Variants in UNC5D observed in about 807,000 individuals in gnomAD.
UNC5D encodes netrin receptor UNC5D.
UNC5D carries 39 observed loss-of-function variants against 105.4 expected under a neutral mutation model. The observed-to-expected ratio is 0.37, with a 90% CI of 0.29 to 0.48. The LOEUF (loss-of-function observed/expected upper bound fraction) is 0.48, where lower values mean the gene tolerates loss of function less well. UNC5D is among the 20% of genes least tolerant of loss of function. The pLI, the probability that UNC5D is intolerant of heterozygous loss-of-function variation, is 0.98. For missense variants in UNC5D, 991 were observed against 1,202.4 expected, an observed-to-expected ratio of 0.82 and a Z score of 2.60; for synonymous variants, 452 against 450.4, an observed-to-expected ratio of 1.00 and a Z score of -0.04.
At chr8:35,690,326 T>G (rs1377595606) in intron 7 of UNC5D, among the ~76,000 whole-genome samples, 1 of 152,146 alleles carries the variant, frequency 6.6e-6, no homozygotes, top group African/African-American at 2.4e-5. Flanking sequence ...AGTGACTACC[T>G]ATATCAACAA....
chr8:35,385,933 G>GTT (rs1803367390), intron 1 of UNC5D, among the ~76,000 whole-genome samples: 2 of 152,202 alleles, frequency 1.3e-5, no homozygotes, highest in Admixed American at 1.3e-4. Context: ...ATTCTATTTT[G>GTT]TTGTAGTAGA....
intron 1 of UNC5D, among the ~76,000 whole-genome samples, chr8:35,473,752 AT>A (rs1218537787): frequency 6.6e-6 from 1 of 152,150 alleles, no homozygotes; most frequent in Non-Finnish European, 1.5e-5. Context: ...TAACAGTGAT[AT>A]TTTTGGCTAT....
At chr8:35,656,990 CTGTT>C (rs570815449) in intron 4 of UNC5D, among the ~76,000 whole-genome samples, 7 of 146,450 alleles carry the variant, frequency 4.8e-5, no homozygotes, top group South Asian at 2.2e-4. Flanking sequence ...AATAAATTGA[CTGTT>C]TGTTTTTATA....
At chr8:35,252,206 C>G (rs1803755891) in intron 1 of UNC5D, among the ~76,000 whole-genome samples, 1 of 151,834 alleles carries the variant, frequency 6.6e-6, no homozygotes, top group South Asian at 2.1e-4. Flanking sequence ...CCTTGTAAAA[C>G]CTGGTTCAAG....
intron 1 of UNC5D, among the ~76,000 whole-genome samples, chr8:35,339,577 G>T (rs1165829781): frequency 6.6e-6 from 1 of 152,234 alleles, no homozygotes; most frequent in Non-Finnish European, 1.5e-5. Flanking sequence ...TGGAAACACG[G>T]ATGTGTGTTG....
intron 4 of UNC5D, among the ~76,000 whole-genome samples, chr8:35,667,182 A>G (rs1417451378): frequency 6.6e-6 from 1 of 152,134 alleles, no homozygotes; most frequent in African/African-American, 2.4e-5. Flanking sequence ...TAAACATAAT[A>G]TAGATTGCAG....
intron 1 of UNC5D, among the ~76,000 whole-genome samples, chr8:35,247,107 T>G (rs937434299): frequency 6.6e-6 from 1 of 152,044 alleles, no homozygotes; most frequent in Non-Finnish European, 1.5e-5. Flanking sequence ...TCCTTGCCTC[T>G]TCCCTTTCAG....
chr8:35,433,301 T>C (rs528685434), intron 1 of UNC5D, among the ~76,000 whole-genome samples: 3 of 152,308 alleles, frequency 2.0e-5, no homozygotes, highest in Admixed American at 2.0e-4. Flanking sequence ...TCAAAATGTT[T>C]ATGTCCTTGG....
At chr8:35,394,592 A>T (rs1000728343) in intron 1 of UNC5D, among the ~76,000 whole-genome samples, 7 of 143,514 alleles carry the variant, frequency 4.9e-5, no homozygotes, top group Non-Finnish European at 9.2e-5. Flanking sequence ...TTCATTTTGT[A>T]AAAAAAAAAA....
At chr8:35,729,876 A>G (rs1204049807) in intron 10 of UNC5D, among the ~76,000 whole-genome samples, 1 of 152,260 alleles carries the variant, frequency 6.6e-6, no homozygotes. Flanking sequence ...GATAACTAGC[A>G]TATTACTGAA....
At chr8:35,283,500 A>C (rs1378657407) in intron 1 of UNC5D, among the ~76,000 whole-genome samples, 1 of 152,092 alleles carries the variant, frequency 6.6e-6, no homozygotes, top group African/African-American at 2.4e-5. Flanking sequence ...GGTGGCTCAC[A>C]CCTGTAATCC....
chr8:35,340,519 A>G lies in UNC5D; in HGVS notation c.103+104632A>G, dbSNP rs537038133. On this transcript the variant is annotated intron_variant, in intron 1 of 16. Transcript: ENST00000404895. ...GAGTATGGATGAAAACATTGGAGAA[A>G]GTATCTCTGGTTAAAGGGAAGGTTT... Among the ~76,000 whole-genome samples the G allele has an allele frequency of 2.6e-5, 4 of 152,184 alleles. No individual in the cohort carries two copies. In the South Asian group the frequency reaches 8.3e-4, roughly 32 times the overall value.
intron 4 of UNC5D, among the ~76,000 whole-genome samples, chr8:35,635,577 A>G (rs1045054377): frequency 5.9e-5 from 9 of 152,144 alleles, no homozygotes; most frequent in East Asian, 1.9e-4. Context: ...TCATTTTAAC[A>G]ACACTGACTG....
chr8:35,686,673 G>A lies in UNC5D; in HGVS notation c.1048G>A (p.Glu350Lys), dbSNP rs528277879. The A allele has an allele frequency of 4.4e-6, 7 of 1,603,770 alleles. No individual in the cohort carries two copies. The South Asian group carries it at 6.7e-5, about 15-fold the overall frequency. Residue 350 changes from glutamate to lysine, a missense_variant, in exon 7 of 17, where the codon GAA (glutamate) becomes AAA (lysine). Transcript: ENST00000404895. ...GGKFCEGLSQ[E>K]SENCTDGLCI... ...CAAATTCTGTGAAGGTCTAAGCCAG[G>A]AATCTGAAAACTGCACAGATGGTCT... is the stretch of plus-strand genomic sequence containing the variant.
chr8:35,459,943 T>C (rs2129642441), intron 1 of UNC5D, among the ~76,000 whole-genome samples: 2 of 152,280 alleles, frequency 1.3e-5, no homozygotes, highest in South Asian at 2.1e-4. Context: ...CAAGTGTAAC[T>C]AAACTGGAGG....
chr8:35,489,732 T>A (rs1811077276), intron 1 of UNC5D, among the ~76,000 whole-genome samples: 1 of 152,234 alleles, frequency 6.6e-6, no homozygotes, highest in Non-Finnish European at 1.5e-5. Flanking sequence ...TTCTGAAATG[T>A]TGACTTATTA....
At chr8:35,752,398 G>GA (rs1396418328) in intron 13 of UNC5D, among the ~76,000 whole-genome samples, 1 of 152,140 alleles carries the variant, frequency 6.6e-6, no homozygotes, top group African/African-American at 2.4e-5. Context: ...TTTACCAGTA[G>GA]AAAAAAATAT....
At chr8:35,273,151 C>T (rs1563269804) in intron 1 of UNC5D, among the ~76,000 whole-genome samples, 1 of 152,176 alleles carries the variant, frequency 6.6e-6, no homozygotes, top group Non-Finnish European at 1.5e-5. Flanking sequence ...TAACTGACAG[C>T]ATTCATTCAT....
chr8:35,530,915 T>C (rs1173035753), intron 1 of UNC5D, among the ~76,000 whole-genome samples: 2 of 142,292 alleles, frequency 1.4e-5, no homozygotes, highest in Middle Eastern at 3.4e-3. Context: ...TTTTTTATTG[T>C]GTCTATTTGA....
Sources: allele counts gnomAD v4.1 joint callset (sites outside exome capture counted in the v4.1 genomes callset), GRCh38; gene constraint gnomAD v4.1.1; transcripts MANE v1.5; gene names NCBI Gene and HGNC (gene_info 2026-07-23, HGNC 2026-07-21).